Variants in UNC13C observed in about 807,000 individuals in gnomAD.
The protein encoded by UNC13C is unc-13 homolog C.
UNC13C carries 174 observed loss-of-function variants against 245.4 expected under a neutral mutation model. The observed-to-expected ratio is 0.71, with a 90% CI of 0.63 to 0.80. The LOEUF is 0.80. Ranked by LOEUF, UNC13C falls within the 30% of genes least tolerant of loss-of-function variation. The pLI is 0.00. For missense variants in UNC13C, 2,829 were observed against 2,602.9 expected (o/e 1.09, Z -1.89); for synonymous variants, 992 against 895.1 (o/e 1.11, Z -1.93).
chr15:54,505,540 G>A (rs1410855054), intron 22 of UNC13C, among the ~76,000 whole-genome samples: 2 of 152,132 alleles, frequency 1.3e-5, no homozygotes, highest in African/African-American at 2.4e-5. Context: ...AGTTAAGCAT[G>A]TCATAAGCAA....
chr15:54,622,474 C>T, intron 31 of UNC13C, 55 bp downstream of exon 31: 2 of 1,255,894 alleles, frequency 1.6e-6, no homozygotes, highest in Non-Finnish European at 2.3e-6. Flanking sequence ...TGCAGCAGTA[C>T]TGATATCAGC....
chr15:53,861,331 G>A, the UNC13C span, among the ~76,000 whole-genome samples: 2 of 152,042 alleles, frequency 1.3e-5, no homozygotes, highest in Non-Finnish European at 2.9e-5. Flanking sequence ...GTTTATACAA[G>A]GATATAATTG....
intron 20 of UNC13C, among the ~76,000 whole-genome samples, chr15:54,497,363 C>T (rs1894002942): frequency 1.3e-5 from 2 of 152,006 alleles, no homozygotes; most frequent in South Asian, 2.1e-4. Context: ...AGCAAACAGC[C>T]AACAGTAGCT....
At chr15:53,937,799 CG>C in the UNC13C span, among the ~76,000 whole-genome samples, 31,904 of 151,996 alleles carry the variant, frequency 0.21, 3,435 homozygotes, top group Middle Eastern at 0.3. Context: ...TCATAAGTGA[CG>C]GAGAACAATG....
chr15:54,167,515 A>AAG (rs1555425755), intron 4 of UNC13C, among the ~76,000 whole-genome samples: 69 of 147,258 alleles, frequency 4.7e-4, no homozygotes, highest in African/African-American at 1.6e-3. Flanking sequence ...AAAAAAAAAA[A>AAG]AAAAGAAAAG....
the UNC13C span, among the ~76,000 whole-genome samples, chr15:53,936,102 G>T: frequency 2.6e-5 from 4 of 152,182 alleles, no homozygotes; most frequent in Non-Finnish European, 5.9e-5. Flanking sequence ...CTGTTTAGGA[G>T]CAGCAGGCTG....
the UNC13C span, among the ~76,000 whole-genome samples, chr15:53,901,741 C>T: frequency 6.6e-6 from 1 of 152,092 alleles, no homozygotes; most frequent in African/African-American, 2.4e-5. Flanking sequence ...TTTCCAAAAA[C>T]ATTTTGCCAA....
chr15:54,036,233 G>A (rs747807395), intron 2 of UNC13C, among the ~76,000 whole-genome samples: 10 of 152,156 alleles, frequency 6.6e-5, no homozygotes, highest in Non-Finnish European at 1.3e-4. Context: ...GGCTGAAGAT[G>A]TCTCTATAAT....
chr15:54,021,707 A>C (rs1289655704), intron 2 of UNC13C, among the ~76,000 whole-genome samples: 1 of 152,218 alleles, frequency 6.6e-6, no homozygotes, highest in African/African-American at 2.4e-5. Context: ...TGCAGCCCTG[A>C]GATGCGTAAT....
the UNC13C span, among the ~76,000 whole-genome samples, chr15:53,873,504 A>G: frequency 6.6e-6 from 1 of 152,132 alleles, no homozygotes; most frequent in Non-Finnish European, 1.5e-5. Flanking sequence ...CTCCACAGCC[A>G]CACTGCTTCT....
intron 2 of UNC13C, among the ~76,000 whole-genome samples, chr15:54,034,731 T>G (rs79502223): frequency 6.6e-6 from 1 of 152,310 alleles, no homozygotes; most frequent in Non-Finnish European, 1.5e-5. Context: ...TGTGAACTGT[T>G]TAAGATGTTT....
At chr15:54,318,752 T>A (rs562305551) in intron 13 of UNC13C, among the ~76,000 whole-genome samples, 50 of 152,070 alleles carry the variant, frequency 3.3e-4, no homozygotes, top group African/African-American at 1.2e-3. Context: ...CAGAAACTTT[T>A]TAATTTGATG....
intron 2 of UNC13C, among the ~76,000 whole-genome samples, chr15:54,040,616 T>G (rs916427436): frequency 7.2e-5 from 11 of 152,174 alleles, no homozygotes; most frequent in African/African-American, 2.4e-4. Context: ...TGGTTGAGTT[T>G]TGCTTCCAGG....
intron 30 of UNC13C, among the ~76,000 whole-genome samples, chr15:54,592,342 T>C (rs567829504): frequency 2.0e-5 from 3 of 152,312 alleles, no homozygotes; most frequent in African/African-American, 7.2e-5. Flanking sequence ...AAATCCATTG[T>C]TTCTTTGTCG....
intron 4 of UNC13C, among the ~76,000 whole-genome samples, chr15:54,181,386 G>A (rs1338182518): frequency 1.3e-5 from 2 of 152,050 alleles, no homozygotes; most frequent in Non-Finnish European, 2.9e-5. Context: ...GTACCAAGCT[G>A]CTTTGGTAGT....
At chr15:54,408,322 TAAAATG>T (rs1241204770) in intron 18 of UNC13C, among the ~76,000 whole-genome samples, 1 of 150,796 alleles carries the variant, frequency 6.6e-6, no homozygotes, top group Non-Finnish European at 1.5e-5. Flanking sequence ...TTACTAAGTC[TAAAATG>T]AACGTTATTA....
intron 2 of UNC13C, among the ~76,000 whole-genome samples, chr15:54,107,625 A>C (rs889733262): frequency 6.6e-6 from 1 of 152,204 alleles, no homozygotes; most frequent in Non-Finnish European, 1.5e-5. Flanking sequence ...AATGGACTTC[A>C]ATTGATGCTG....
intron 11 of UNC13C, among the ~76,000 whole-genome samples, chr15:54,296,498 G>A (rs1276204980): frequency 6.6e-6 from 1 of 151,576 alleles, no homozygotes. Flanking sequence ...GATTACAGGC[G>A]TGAGCCATCG....
chr15:54,442,650 A>G (rs930900817), intron 19 of UNC13C, among the ~76,000 whole-genome samples: 1 of 152,110 alleles, frequency 6.6e-6, no homozygotes, highest in Non-Finnish European at 1.5e-5. Flanking sequence ...AAGATTTATC[A>G]TGAAAGGATG....
Sources: allele counts gnomAD v4.1 joint callset (sites outside exome capture counted in the v4.1 genomes callset), GRCh38; gene constraint gnomAD v4.1.1; transcripts MANE v1.5; gene names NCBI Gene and HGNC (gene_info 2026-07-23, HGNC 2026-07-21).